Variants in GRID1 observed in about 807,000 individuals in gnomAD.
GRID1 encodes glutamate ionotropic receptor delta type subunit 1, also known as glutamate receptor ionotropic, delta-1.
GRID1 carries 28 observed loss-of-function variants against 98.0 expected under a neutral mutation model. That is an observed-to-expected ratio of 0.29 (90% CI 0.21 to 0.39). The LOEUF (loss-of-function observed/expected upper bound fraction) is 0.39, where lower values mean the gene tolerates loss of function less well. Among genes scored for constraint, GRID1 ranks in the 10% least tolerant of loss-of-function variants. GRID1 has a pLI of 1.00. For missense variants in GRID1, 1,111 were observed against 1,340.5 expected, an observed-to-expected ratio of 0.83 and a Z score of 2.67; for synonymous variants, 553 against 538.5, an observed-to-expected ratio of 1.03 and a Z score of -0.37.
At position 86,042,046 on chromosome 10, in the gene GRID1, A is replaced by G. The variant is rs527243078; in HGVS notation, c.726+96773T>C. On this transcript the variant is annotated intron_variant, in intron 4 of 15. Coordinates refer to ENST00000327946, the MANE Select transcript of GRID1 (RefSeq NM_017551.3). ...GCTTAGTGGCAGCCCTTTCCCAACC[A>G]CCAAGCTGAAAGAGGAACAGGTCCA... Among the ~76,000 whole-genome samples, 185 of 152,096 alleles carry G rather than the reference A, an allele frequency of 1.2e-3. 3 individuals carry two copies. The highest frequency in any genetic ancestry group is 4.4e-3 in the African/African-American group (181 of 41,512).
At chr10:86,166,032 A>G (rs1265454656) in intron 3 of GRID1, among the ~76,000 whole-genome samples, 1 of 152,212 alleles carries the variant, frequency 6.6e-6, no homozygotes, top group Non-Finnish European at 1.5e-5. Flanking sequence ...TTGGCTAACT[A>G]TGGAGTAAAT....
intron 8 of GRID1, among the ~76,000 whole-genome samples, chr10:85,812,730 T>C (rs917286798): frequency 2.0e-5 from 3 of 147,996 alleles, no homozygotes; most frequent in African/African-American, 7.5e-5. Flanking sequence ...CAAACAGAAG[T>C]TCTCTCTCTC....
intron 4 of GRID1, among the ~76,000 whole-genome samples, chr10:86,053,861 T>C (rs929103521): frequency 6.6e-6 from 1 of 152,162 alleles, no homozygotes; most frequent in Non-Finnish European, 1.5e-5. Flanking sequence ...TATGTGTGCA[T>C]AAGCACATGC....
intron 8 of GRID1, among the ~76,000 whole-genome samples, chr10:85,814,442 AG>A (rs777685999): frequency 6.6e-6 from 1 of 152,026 alleles, no homozygotes; most frequent in Non-Finnish European, 1.5e-5. Context: ...TAAAGGTAAA[AG>A]CAGAAATGAT....
chr10:86,227,054 G>A (rs1042464379), intron 2 of GRID1, among the ~76,000 whole-genome samples: 4 of 152,218 alleles, frequency 2.6e-5, no homozygotes, highest in Admixed American at 2.6e-4. Flanking sequence ...CTGGTGGAAA[G>A]GGGAAGCCTC....
chr10:86,210,097 A>T (rs1169446902), intron 2 of GRID1, among the ~76,000 whole-genome samples: 1 of 152,168 alleles, frequency 6.6e-6, no homozygotes, highest in Admixed American at 6.5e-5. Context: ...CAACTGGAGG[A>T]GAGAGAAAGG....
chr10:85,843,040 C>T (rs1300761937), intron 8 of GRID1, among the ~76,000 whole-genome samples: 2 of 152,000 alleles, frequency 1.3e-5, no homozygotes, highest in Non-Finnish European at 2.9e-5. Context: ...CAAATACAAT[C>T]CAACAATGTG....
chr10:85,731,346 G>T (rs576207164), intron 8 of GRID1, among the ~76,000 whole-genome samples: 2 of 151,358 alleles, frequency 1.3e-5, no homozygotes, highest in Non-Finnish European at 1.5e-5. Context: ...ACCACCCACC[G>T]CCACCACCAC....
intron 12 of GRID1, among the ~76,000 whole-genome samples, chr10:85,653,218 C>T (rs1027883028): frequency 6.6e-6 from 1 of 152,128 alleles, no homozygotes; most frequent in Non-Finnish European, 1.5e-5. Flanking sequence ...GTCAGCTGAC[C>T]CCTGCTGCTA....
intron 3 of GRID1, among the ~76,000 whole-genome samples, chr10:86,144,078 C>T (rs943982609): frequency 1.3e-5 from 2 of 152,166 alleles, no homozygotes; most frequent in African/African-American, 2.4e-5. Flanking sequence ...TACAGGAAAA[C>T]AAAACTGAAT....
At chr10:85,727,508 A>G (rs184554404) in intron 10 of GRID1, among the ~76,000 whole-genome samples, 113 of 152,322 alleles carry the variant, frequency 7.4e-4, no homozygotes, top group Non-Finnish European at 1.3e-3. Flanking sequence ...TAGGAGAATG[A>G]GCACTCATCA....
At chr10:85,732,170 G>T (rs1342066537) in intron 8 of GRID1, among the ~76,000 whole-genome samples, 1 of 152,172 alleles carries the variant, frequency 6.6e-6, no homozygotes, top group African/African-American at 2.4e-5. Context: ...TCCCATAACT[G>T]CTTAGCCCAG....
At chr10:86,053,597 G>T (rs532279008) in intron 4 of GRID1, among the ~76,000 whole-genome samples, 2 of 151,798 alleles carry the variant, frequency 1.3e-5, no homozygotes, top group African/African-American at 2.4e-5. Context: ...CAGGAGATCC[G>T]CCCGCCTCGG....
intron 4 of GRID1, among the ~76,000 whole-genome samples, chr10:86,131,316 G>T (rs1228793302): frequency 6.6e-6 from 1 of 152,138 alleles, no homozygotes; most frequent in Non-Finnish European, 1.5e-5. Context: ...GGATCCGGGA[G>T]CAGAAAGGGT....
chr10:86,080,003 T>G (rs1360079543), intron 4 of GRID1, among the ~76,000 whole-genome samples: 4 of 151,988 alleles, frequency 2.6e-5, no homozygotes, highest in African/African-American at 9.7e-5. Flanking sequence ...AAAGGACAAG[T>G]GCAAGGAAGT....
chr10:85,724,774 G>T (rs1371471696), intron 10 of GRID1, 98 bp from the exon 11 acceptor site: 1 of 898,894 alleles, frequency 1.1e-6, no homozygotes, highest in Non-Finnish European at 1.7e-6. Context: ...GAGTTGCTCT[G>T]TTCAGAGGAA....
chr10:85,875,906 A>G (rs569293182), intron 5 of GRID1, among the ~76,000 whole-genome samples: 2 of 152,312 alleles, frequency 1.3e-5, no homozygotes, highest in African/African-American at 4.8e-5. Flanking sequence ...CTCAGACCTT[A>G]TATCTGGGGT....
chr10:86,364,339 A>T (rs1848645877), intron 1 of GRID1, among the ~76,000 whole-genome samples: 2 of 152,204 alleles, frequency 1.3e-5, no homozygotes, highest in South Asian at 4.1e-4. Context: ...ACACATGCAC[A>T]TCCCACAGGC....
chr10:86,330,228 A>G (rs1436686552), intron 2 of GRID1, among the ~76,000 whole-genome samples: 3 of 149,692 alleles, frequency 2.0e-5, no homozygotes, highest in African/African-American at 7.4e-5. Flanking sequence ...GGTGGTTCAC[A>G]CCCTTCCCTC....
Sources: allele counts gnomAD v4.1 joint callset (sites outside exome capture counted in the v4.1 genomes callset), GRCh38; gene constraint gnomAD v4.1.1; transcripts MANE v1.5; gene names NCBI Gene and HGNC (gene_info 2026-07-23, HGNC 2026-07-21).